ANKRD6: variants seen among roughly 807,000 people sequenced by gnomAD.
ANKRD6 encodes the protein ankyrin repeat domain 6.
A neutral mutation model predicts 82.3 loss-of-function variants in ANKRD6; 56 were observed. The observed-to-expected ratio is 0.68, with a 90% CI of 0.55 to 0.85. The LOEUF is 0.85. Among genes scored for constraint, ANKRD6 ranks in the 40% least tolerant of loss-of-function variants. ANKRD6 has a pLI of 0.00. For synonymous variants in ANKRD6, 347 were observed against 352.1 expected (o/e 0.99, Z 0.16); for missense variants, 852 against 907.6 (o/e 0.94, Z 0.79).
At chr6:89,604,258 G>A (rs1337969116) in intron 4 of ANKRD6, among the ~76,000 whole-genome samples, 1 of 152,098 alleles carries the variant, frequency 6.6e-6, no homozygotes, top group African/African-American at 2.4e-5. Context: ...AACCCGGGAG[G>A]TGGAGGTTGC....
intron 2 of ANKRD6, among the ~76,000 whole-genome samples, chr6:89,583,299 C>A (rs1426464463): frequency 1.3e-5 from 2 of 152,176 alleles, no homozygotes; most frequent in Non-Finnish European, 2.9e-5. Flanking sequence ...TGCCATGACT[C>A]AAGCTAGAAA....
At chr6:89,449,109 G>A (rs1471890502) in intron 1 of ANKRD6, among the ~76,000 whole-genome samples, 1 of 152,120 alleles carries the variant, frequency 6.6e-6, no homozygotes, top group Non-Finnish European at 1.5e-5. Flanking sequence ...GATGGATCTG[G>A]GCAAAGTAAA....
intron 1 of ANKRD6, among the ~76,000 whole-genome samples, chr6:89,477,114 T>G (rs1305615991): frequency 6.6e-6 from 1 of 151,964 alleles, no homozygotes. Context: ...CCGGCTAATT[T>G]TTTGCATTTT....
intron 3 of ANKRD6, chr6:89,598,398 G>A (rs2128161334): frequency 3.0e-6 from 3 of 985,342 alleles, no homozygotes; most frequent in Non-Finnish European, 3.6e-6. Context: ...GGAAGGTTAG[G>A]AAGGACCCTA....
intron 3 of ANKRD6, among the ~76,000 whole-genome samples, chr6:89,600,994 A>C (rs1337123009): frequency 6.6e-6 from 1 of 152,108 alleles, no homozygotes; most frequent in Non-Finnish European, 1.5e-5. Context: ...CCAAGATGGC[A>C]CCACTGCACT....
At chr6:89,614,851 A>AC (rs1554263256) in intron 7 of ANKRD6, among the ~76,000 whole-genome samples, 32 of 143,052 alleles carry the variant, frequency 2.2e-4, no homozygotes, top group Admixed American at 4.2e-4. Flanking sequence ...AAAAAAAAAA[A>AC]CAAAAAAAAA....
chr6:89,623,015 TG>T (rs1272649644), intron 10 of ANKRD6, among the ~76,000 whole-genome samples: 2 of 2,858 alleles, frequency 7.0e-4, no homozygotes, highest in Non-Finnish European at 1.7e-3. Context: ...GGTGGGGGAG[TG>T]GGGGGTGGGG....
chr6:89,576,224 G>GT (rs1430113612), intron 2 of ANKRD6, among the ~76,000 whole-genome samples: 3 of 151,780 alleles, frequency 2.0e-5, no homozygotes, highest in Non-Finnish European at 4.4e-5. Context: ...GCTAATTTTT[G>GT]TATTTTTAGT....
intron 1 of ANKRD6, among the ~76,000 whole-genome samples, chr6:89,505,936 TATACTA>T (rs1361417946): frequency 1.3e-5 from 2 of 152,150 alleles, no homozygotes; most frequent in African/African-American, 4.8e-5. Context: ...TGCAAGATGT[TATACTA>T]AATGAAATAA....
intron 1 of ANKRD6, among the ~76,000 whole-genome samples, chr6:89,530,609 C>T (rs750462987): frequency 1.3e-5 from 2 of 152,134 alleles, no homozygotes; most frequent in Non-Finnish European, 2.9e-5. Flanking sequence ...CAATGGTGTT[C>T]ATTTTGTGCA....
intron 2 of ANKRD6, among the ~76,000 whole-genome samples, chr6:89,572,698 G>A (rs777343328): frequency 6.6e-6 from 1 of 152,108 alleles, no homozygotes; most frequent in Non-Finnish European, 1.5e-5. Context: ...TTTTTATATA[G>A]TGTAAGGTAA....
chr6:89,591,647 G>A (rs1323383578), intron 2 of ANKRD6, among the ~76,000 whole-genome samples: 1 of 152,186 alleles, frequency 6.6e-6, no homozygotes, highest in Non-Finnish European at 1.5e-5. Flanking sequence ...CTTCTCCAAA[G>A]GGCTCTATTT....
At chr6:89,469,102 T>A (rs1775167859) in intron 1 of ANKRD6, among the ~76,000 whole-genome samples, 1 of 152,202 alleles carries the variant, frequency 6.6e-6, no homozygotes, top group African/African-American at 2.4e-5. Flanking sequence ...AGGATGCACC[T>A]GTTTATAAAA....
intron 1 of ANKRD6, among the ~76,000 whole-genome samples, chr6:89,510,379 A>G (rs1327333851): frequency 6.6e-6 from 1 of 150,444 alleles, no homozygotes; most frequent in African/African-American, 2.5e-5. Context: ...GTCTTTCCAA[A>G]TAGTTTTTTT....
At chr6:89,507,854 G>A (rs1291974695) in intron 1 of ANKRD6, among the ~76,000 whole-genome samples, 1 of 152,058 alleles carries the variant, frequency 6.6e-6, no homozygotes, top group Non-Finnish European at 1.5e-5. Flanking sequence ...TATATTCCTT[G>A]GTAATTCTTT....
Position 89,630,838 on chromosome 6 carries a change from A to G in ANKRD6, c.2018A>G (p.Glu673Gly). ...QALELTQYFF[E>G]AVSTQMEKWY... ...CTGGAGCTTACCCAGTATTTTTTTG[A>G]GGCTGTTTCTACCCAGATGGAAAAG... Residue 673 changes from glutamate to glycine, a missense_variant, in exon 16 of 16, where the codon GAG becomes GGG. Physicochemically the swap from Glu to Gly is moderately conservative, Grantham distance 98. Transcript: ENST00000339746. The G allele has an allele frequency of 1.2e-6, 2 of 1,613,862 alleles. No individual in the cohort carries two copies. The highest frequency in any genetic ancestry group is 1.7e-6 in the Non-Finnish European group (2 of 1,179,886).
chr6:89,494,036 G>A (rs1421054334), intron 1 of ANKRD6, among the ~76,000 whole-genome samples: 1 of 152,116 alleles, frequency 6.6e-6, no homozygotes, highest in Non-Finnish European at 1.5e-5. Flanking sequence ...AGAGAGATTG[G>A]GTTCAACTCT....
intron 1 of ANKRD6, among the ~76,000 whole-genome samples, chr6:89,499,225 G>A (rs1778991916): frequency 6.6e-6 from 1 of 152,152 alleles, no homozygotes; most frequent in Non-Finnish European, 1.5e-5. Flanking sequence ...ATTAAGGCTG[G>A]CAAAATTTAG....
intron 4 of ANKRD6, among the ~76,000 whole-genome samples, chr6:89,605,453 A>C (rs1303351336): frequency 6.6e-6 from 1 of 152,128 alleles, no homozygotes; most frequent in African/African-American, 2.4e-5. Context: ...GTCCCTGTTC[A>C]TTATTTGTTT....
Sources: allele counts gnomAD v4.1 joint callset (sites outside exome capture counted in the v4.1 genomes callset), GRCh38; gene constraint gnomAD v4.1.1; transcripts MANE v1.5; gene names NCBI Gene and HGNC (gene_info 2026-07-23, HGNC 2026-07-21).